CEP135: variants seen among roughly 807,000 people sequenced by gnomAD.
The protein encoded by CEP135 is centrosomal protein of 135 kDa.
A neutral mutation model predicts 157.3 loss-of-function variants in CEP135; 142 were observed. That is an observed-to-expected ratio of 0.90 (90% confidence interval 0.79 to 1.04). The LOEUF (loss-of-function observed/expected upper bound fraction) is 1.04, where lower values mean the gene tolerates loss of function less well. CEP135 is among the 50% of genes least tolerant of loss of function. The pLI, the probability that CEP135 is intolerant of heterozygous loss-of-function variation, is 0.00. For missense variants in CEP135, 1,317 were observed against 1,309.2 expected (o/e 1.01, Z -0.09); for synonymous variants, 396 against 439.8 (o/e 0.90, Z 1.25).
intron 15 of CEP135, among the ~76,000 whole-genome samples, chr4:55,996,400 T>C (rs1729971246): frequency 1.3e-5 from 2 of 152,192 alleles, no homozygotes; most frequent in South Asian, 4.1e-4. Flanking sequence ...TCATAAGTTA[T>C]CTGGATGCTT....
chr4:55,995,509 G>A (rs1209266831), intron 15 of CEP135, among the ~76,000 whole-genome samples: 4 of 152,124 alleles, frequency 2.6e-5, no homozygotes, highest in African/African-American at 9.7e-5. Flanking sequence ...TATAGTTTAT[G>A]TCACACCTGC....
chr4:56,030,722 C>T lies in CEP135; in HGVS notation c.*12-638C>T, dbSNP rs559992800. ...CTCCTGCCTCAGCCTCCCAAAGTGC[C>T]GGGATTACAGGCATGAGCCACTGCA... On this transcript the variant is annotated intron_variant, in intron 25 of 25. Coordinates refer to ENST00000257287, the MANE Select transcript of CEP135 (RefSeq NM_025009.5). 5.9e-5 allele frequency among the ~76,000 whole-genome samples: 9 copies of T among 152,142 alleles called. No homozygotes were observed. The South Asian group carries it at 6.2e-4, about 11-fold the overall frequency.
At chr4:55,961,270 C>G (rs921588325) in intron 6 of CEP135, among the ~76,000 whole-genome samples, 1 of 151,924 alleles carries the variant, frequency 6.6e-6, no homozygotes, top group Non-Finnish European at 1.5e-5. Context: ...AAACTTCTTA[C>G]CATCTCTGTG....
chr4:55,970,605 A>G (rs1729000216), intron 9 of CEP135, among the ~76,000 whole-genome samples: 1 of 152,230 alleles, frequency 6.6e-6, no homozygotes, highest in African/African-American at 2.4e-5. Context: ...GATGTGATTC[A>G]TAATACTTGT....
At chr4:55,952,280 C>A in intron 2 of CEP135, 37 bp downstream of exon 2, 2 of 1,169,062 alleles carry the variant, frequency 1.7e-6, no homozygotes, top group Non-Finnish European at 2.6e-6. Context: ...CTTTATGATC[C>A]CTAACCACTT....
At chr4:55,959,481 C>T (rs1728611305) in intron 5 of CEP135, among the ~76,000 whole-genome samples, 1 of 105,430 alleles carries the variant, frequency 9.5e-6, no homozygotes, top group Non-Finnish European at 1.9e-5. Context: ...ATTTACTACT[C>T]AGTTTTAAAT....
At chr4:55,952,490 T>G (rs2109638341) in intron 2 of CEP135, 1 of 305,480 alleles carries the variant, frequency 3.3e-6, no homozygotes, top group Non-Finnish European at 6.0e-6. Flanking sequence ...GGAATTACAG[T>G]TTTTTGGGTT....
intron 21 of CEP135, among the ~76,000 whole-genome samples, chr4:56,013,605 A>G (rs1037085879): frequency 6.6e-6 from 1 of 152,214 alleles, no homozygotes; most frequent in Non-Finnish European, 1.5e-5. Context: ...AGATTTTGTC[A>G]TAAAGACAGT....
At chr4:55,972,344 A>G (rs1729055860) in intron 10 of CEP135, among the ~76,000 whole-genome samples, 1 of 152,066 alleles carries the variant, frequency 6.6e-6, no homozygotes, top group South Asian at 2.1e-4. Context: ...TAAGAAGTTA[A>G]TTTTAGTTGA....
chr4:55,993,725 T>C (rs1035653693), intron 15 of CEP135, among the ~76,000 whole-genome samples: 1 of 152,234 alleles, frequency 6.6e-6, no homozygotes, highest in Non-Finnish European at 1.5e-5. Context: ...AAACACCTCT[T>C]TTCCTCACAG....
chr4:55,975,166 A>G (rs1729160212), intron 11 of CEP135, among the ~76,000 whole-genome samples, 197 bp downstream of exon 11: 1 of 152,246 alleles, frequency 6.6e-6, no homozygotes, highest in Non-Finnish European at 1.5e-5. Context: ...TATAACATAT[A>G]GATGACTGGA....
chr4:55,987,240 AG>A (rs1168372828), intron 14 of CEP135, among the ~76,000 whole-genome samples: 3 of 152,228 alleles, frequency 2.0e-5, no homozygotes, highest in Admixed American at 6.5e-5. Flanking sequence ...GCCCTGCATG[AG>A]CTCTGAGTAT....
chr4:55,949,638 A>G (rs1423640057), intron 1 of CEP135, among the ~76,000 whole-genome samples: 1 of 152,220 alleles, frequency 6.6e-6, no homozygotes, highest in Non-Finnish European at 1.5e-5. Flanking sequence ...ACAGCATTAA[A>G]TGTACTGGTT....
intron 25 of CEP135, among the ~76,000 whole-genome samples, chr4:56,026,127 T>G (rs527814338): frequency 3.3e-5 from 5 of 152,214 alleles, no homozygotes; most frequent in Admixed American, 3.3e-4. Context: ...GAGAATTGCT[T>G]GAACCCAGGA....
rs149772157 is a variant in CEP135 at position 56,010,713 on chromosome 4, T to C, written c.2506-699T>C. ...GGCAAGTACTGAAAGGTGTTAGTTCTGTTCGTGCTGGTTTCTTAAAAGATT... is the reference window on the plus strand; with the variant it reads ...GGCAAGTACTGAAAGGTGTTAGTTCCGTTCGTGCTGGTTTCTTAAAAGATT... On this transcript the variant is annotated intron_variant, in intron 19 of 25. Coordinates refer to ENST00000257287, the MANE Select transcript of CEP135 (RefSeq NM_025009.5). 2.1e-3 allele frequency among the ~76,000 whole-genome samples: 326 copies of C among 152,318 alleles called. 2 individuals are homozygous for C. The highest frequency in any genetic ancestry group is 7.4e-3 in the African/African-American group (308 of 41,548).
intron 22 of CEP135, among the ~76,000 whole-genome samples, chr4:56,018,420 G>A (rs907676597): frequency 6.6e-6 from 1 of 152,122 alleles, no homozygotes; most frequent in African/African-American, 2.4e-5. Flanking sequence ...TGAATTTTCT[G>A]ATTATAAATC....
intron 17 of CEP135, among the ~76,000 whole-genome samples, chr4:56,000,243 G>A (rs1021638984): frequency 1.3e-5 from 2 of 152,106 alleles, no homozygotes; most frequent in African/African-American, 4.8e-5. Context: ...CATATGAGAT[G>A]TACATATTTT....
chr4:55,976,007 T>C (rs907024006), intron 11 of CEP135, among the ~76,000 whole-genome samples: 2 of 152,100 alleles, frequency 1.3e-5, no homozygotes, highest in African/African-American at 4.8e-5. Flanking sequence ...TCCAGCACTT[T>C]GGGAGGCCAA....
intron 4 of CEP135, 118 bp from the exon 5 acceptor site, chr4:55,957,105 G>A (rs1728531884): frequency 2.0e-6 from 2 of 994,406 alleles, no homozygotes. Context: ...AAAATATTTT[G>A]TCAATATGTA....
Sources: gnomAD v4.1 joint callset for allele counts (sites outside exome capture counted in the v4.1 genomes callset) on GRCh38, gnomAD v4.1.1 for gene constraint, MANE v1.5 for transcripts, NCBI Gene and HGNC (gene_info 2026-07-23, HGNC 2026-07-21) for gene names.